The following RBMS3 variants were observed in gnomAD, a reference collection of about 807,000 sequenced individuals.
RBMS3 encodes the protein RNA-binding motif, single-stranded-interacting protein 3.
RBMS3 carries 27 observed loss-of-function variants against 66.8 expected under a neutral mutation model. The ratio of observed to expected loss-of-function variants is 0.40; its 90% CI spans 0.30 to 0.56. The LOEUF is 0.56. Ranked by LOEUF, RBMS3 falls within the 20% of genes least tolerant of loss-of-function variation. The pLI is 0.40. For missense variants in RBMS3, 513 were observed against 549.5 expected (o/e 0.93, Z 0.66); for synonymous variants, 188 against 183.0 (o/e 1.03, Z -0.22).
At chr3:29,841,408 T>A (rs2058661651) in intron 6 of RBMS3, among the ~76,000 whole-genome samples, 1 of 152,028 alleles carries the variant, frequency 6.6e-6, no homozygotes, top group African/African-American at 2.4e-5. Context: ...ATTAGAGGAA[T>A]TGAATAAACA....
chr3:29,941,233 T>C (rs2061386919), intron 11 of RBMS3, among the ~76,000 whole-genome samples: 1 of 151,838 alleles, frequency 6.6e-6, no homozygotes, highest in African/African-American at 2.4e-5. Flanking sequence ...CCCACAGTTC[T>C]CTAGCATTTT....
intron 2 of RBMS3, among the ~76,000 whole-genome samples, chr3:29,436,287 T>G (rs1483088594): frequency 6.6e-6 from 1 of 152,174 alleles, no homozygotes; most frequent in African/African-American, 2.4e-5. Flanking sequence ...AAGTGGCAGA[T>G]AAACCAAAAT....
chr3:29,434,994 T>C, intron 2 of RBMS3, 79 bp downstream of exon 2: 1 of 1,405,542 alleles, frequency 7.1e-7, no homozygotes, highest in Non-Finnish European at 9.7e-7. Context: ...TTTCAGTCAA[T>C]GTACTCATCC....
intron 6 of RBMS3, among the ~76,000 whole-genome samples, chr3:29,857,040 C>T (rs1462922476): frequency 1.3e-5 from 2 of 152,090 alleles, no homozygotes; most frequent in Non-Finnish European, 2.9e-5. Flanking sequence ...AATCTTTTAC[C>T]TACTGAAAGC....
intron 1 of RBMS3, among the ~76,000 whole-genome samples, chr3:29,326,833 C>T (rs1019980828): frequency 5.3e-5 from 8 of 151,774 alleles, no homozygotes; most frequent in African/African-American, 1.2e-4. Flanking sequence ...TGGGTTCCAG[C>T]GATTCTCCTG....
intron 7 of RBMS3, among the ~76,000 whole-genome samples, chr3:29,870,251 T>C: frequency 6.6e-6 from 1 of 152,102 alleles, no homozygotes. Flanking sequence ...GATAACCCTA[T>C]TGGCCTCAGA....
rs867830621 is a variant in RBMS3 at position 29,868,968 on chromosome 3, A to G, written c.744+4A>G. On this transcript the variant is annotated splice_donor_region_variant and intron_variant, in intron 7 of 14. Coordinates refer to ENST00000383767, the MANE Select transcript of RBMS3 (RefSeq NM_001003793.3). ...GCCTTGGCCCAGGGAAGGAGAGGTG[A>G]GTCCTGACTGATAACATTTGCTCTG... The G allele has an allele frequency of 6.3e-7, 1 of 1,580,256 alleles. No individual in the cohort carries two copies.
chr3:29,736,690 T>A (rs2054394206), intron 4 of RBMS3, among the ~76,000 whole-genome samples: 1 of 152,124 alleles, frequency 6.6e-6, no homozygotes, highest in African/African-American at 2.4e-5. Context: ...ATAACTTGAG[T>A]AGTTCTAGAC....
At chr3:29,636,224 T>C (rs777447770) in intron 4 of RBMS3, among the ~76,000 whole-genome samples, 19 of 151,884 alleles carry the variant, frequency 1.3e-4, no homozygotes, top group Non-Finnish European at 2.5e-4. Context: ...CTTGTGTTTA[T>C]ATTAAAATAA....
At chr3:29,345,904 AT>A (rs2125546923) in intron 1 of RBMS3, among the ~76,000 whole-genome samples, 1 of 152,318 alleles carries the variant, frequency 6.6e-6, no homozygotes, top group South Asian at 2.1e-4. Context: ...AGAGGAGCCA[AT>A]TTTTTTATAT....
intron 2 of RBMS3, 35 bp downstream of exon 2, chr3:29,434,950 C>A: frequency 6.3e-7 from 1 of 1,582,462 alleles, no homozygotes; most frequent in Middle Eastern, 1.7e-4. Context: ...CTGTTTCTCA[C>A]TCCCATACTT....
chr3:29,739,844 C>G lies in RBMS3; in HGVS notation c.524C>G (p.Ala175Gly), dbSNP rs778168184. 1 of 1,609,702 alleles carries G rather than the reference C, an allele frequency of 6.2e-7. No individual in the cohort carries two copies. The highest frequency in any genetic ancestry group is 1.3e-5 in the African/African-American group (1 of 74,638). Residue 175 changes from alanine to glycine, a missense_variant, in exon 5 of 15, where the codon GCT becomes GGT. Ala to Gly is a moderately conservative substitution (Grantham distance 60, BLOSUM62 0). Transcript: ENST00000383767. ...ATTTCCACAAGAATACTAAGAGACG[C>G]TAATGGAGTCAGCAGAGGTGTTGGC... ...HVISTRILRD[A>G]NGVSRGVGFA...
At chr3:29,589,942 T>C (rs1318014074) in intron 4 of RBMS3, among the ~76,000 whole-genome samples, 4 of 152,082 alleles carry the variant, frequency 2.6e-5, no homozygotes, top group African/African-American at 9.7e-5. Flanking sequence ...AGCTAGCTTA[T>C]TCCAGTGTGT....
intron 4 of RBMS3, among the ~76,000 whole-genome samples, chr3:29,723,696 A>T (rs922446193): frequency 3.3e-5 from 5 of 152,092 alleles, no homozygotes; most frequent in African/African-American, 1.2e-4. Context: ...TTAGTGATTC[A>T]TTGAGGTGGA....
chr3:29,646,519 C>CT (rs869164300), intron 4 of RBMS3, among the ~76,000 whole-genome samples: 2 of 149,248 alleles, frequency 1.3e-5, no homozygotes, highest in African/African-American at 4.9e-5. Context: ...CTTGAGAGTT[C>CT]TTTTTGTTTC....
At chr3:29,330,617 T>C (rs985227460) in intron 1 of RBMS3, among the ~76,000 whole-genome samples, 4 of 152,154 alleles carry the variant, frequency 2.6e-5, no homozygotes, top group Non-Finnish European at 5.9e-5. Context: ...CAGCCCTCCC[T>C]ATTGCTGAAC....
intron 3 of RBMS3, among the ~76,000 whole-genome samples, chr3:29,500,852 G>T (rs1218814198): frequency 6.6e-6 from 1 of 152,066 alleles, no homozygotes; most frequent in Admixed American, 6.6e-5. Flanking sequence ...GTGTGTGTGT[G>T]TGTGTGTGTG....
chr3:29,543,172 G>A (rs1244654634), intron 3 of RBMS3, among the ~76,000 whole-genome samples: 1 of 151,748 alleles, frequency 6.6e-6, no homozygotes, highest in East Asian at 1.9e-4. Context: ...TTAGAGGTGA[G>A]TATTAATATC....
intron 5 of RBMS3, among the ~76,000 whole-genome samples, chr3:29,747,114 A>G (rs1559630532): frequency 6.6e-6 from 1 of 152,206 alleles, no homozygotes; most frequent in Non-Finnish European, 1.5e-5. Context: ...GCTTCTGGCC[A>G]ATAGAAAAGT....
Sources: allele counts gnomAD v4.1 joint callset (sites outside exome capture counted in the v4.1 genomes callset), GRCh38; gene constraint gnomAD v4.1.1; transcripts MANE v1.5; gene names NCBI Gene and HGNC (gene_info 2026-07-23, HGNC 2026-07-21).